The following CLMN variants were observed in gnomAD, a reference collection of about 807,000 sequenced individuals.
CLMN encodes the protein calmin.
In CLMN, 57 loss-of-function variants were observed where a neutral mutation model predicts 92.7. The observed-to-expected ratio is 0.61, with a 90% CI of 0.50 to 0.77. CLMN has a LOEUF of 0.77. Among genes scored for constraint, CLMN ranks in the 30% least tolerant of loss-of-function variants. The probability of loss-of-function intolerance (pLI) is 0.00; values close to 1 mark genes in which losing one functional copy is unlikely to be tolerated. For synonymous variants in CLMN, 466 were observed against 470.6 expected (o/e 0.99, Z 0.13); for missense variants, 1,158 against 1,237.5 (o/e 0.94, Z 0.96).
At chr14:95,255,604 G>A (rs1473659872) in intron 1 of CLMN, among the ~76,000 whole-genome samples, 1 of 152,164 alleles carries the variant, frequency 6.6e-6, no homozygotes, top group African/African-American at 2.4e-5. Context: ...TAGGGTACTT[G>A]TTCCAGCAGC....
intron 1 of CLMN, among the ~76,000 whole-genome samples, chr14:95,261,416 T>G (rs947287240): frequency 2.6e-5 from 4 of 152,230 alleles, no homozygotes; most frequent in African/African-American, 9.6e-5. Context: ...ATTCCCGGAT[T>G]CTGTCTTTGT....
At chr14:95,266,074 G>A (rs1419917891) in intron 1 of CLMN, among the ~76,000 whole-genome samples, 3 of 152,146 alleles carry the variant, frequency 2.0e-5, no homozygotes, top group South Asian at 2.1e-4. Flanking sequence ...CTTTGATTTG[G>A]GAATTTACAA....
intron 4 of CLMN, among the ~76,000 whole-genome samples, chr14:95,217,411 G>A (rs898265041): frequency 6.6e-6 from 1 of 152,138 alleles, no homozygotes; most frequent in Non-Finnish European, 1.5e-5. Flanking sequence ...AGAGTTCTGG[G>A]TTCCCAAGCT....
intron 1 of CLMN, among the ~76,000 whole-genome samples, chr14:95,268,341 T>C (rs1899559668): frequency 6.7e-6 from 1 of 149,040 alleles, no homozygotes. Flanking sequence ...GTATGTGCAA[T>C]ACCTTGGATG....
chr14:95,276,776 A>C (rs1331619852), intron 1 of CLMN, among the ~76,000 whole-genome samples: 2 of 152,194 alleles, frequency 1.3e-5, no homozygotes, highest in African/African-American at 4.8e-5. Context: ...GAGCCTTGCC[A>C]GGTGGATACT....
At chr14:95,213,722 C>G (rs904231920) in intron 5 of CLMN, among the ~76,000 whole-genome samples, 6 of 152,130 alleles carry the variant, frequency 3.9e-5, no homozygotes, top group African/African-American at 1.4e-4. Flanking sequence ...CGCCCCTTTC[C>G]TCTCACCGCC....
At chr14:95,275,068 A>ACAT (rs1349343049) in intron 1 of CLMN, among the ~76,000 whole-genome samples, 25 of 152,106 alleles carry the variant, frequency 1.6e-4, no homozygotes, top group Admixed American at 6.5e-5. Context: ...CCCTGGAGGT[A>ACAT]CATATACCCA....
intron 1 of CLMN, among the ~76,000 whole-genome samples, chr14:95,257,311 C>T (rs1249909116): frequency 6.6e-6 from 1 of 152,206 alleles, no homozygotes; most frequent in East Asian, 1.9e-4. Context: ...ATTCATTTCC[C>T]TCTTAATTAA....
Position 95,191,941 on chromosome 14 carries a change from C to T in CLMN, c.2841-209G>A. 3 of 473,942 alleles carry T rather than the reference C, an allele frequency of 6.3e-6. No individual in the cohort carries two copies. Among genetic ancestry groups the T allele is most frequent in the Non-Finnish European group, 1.1e-5 (3 of 267,178 alleles). The allele number at this position is 473,942 out of a possible 1,614,324, so 29.4% of individuals were successfully genotyped here. A position where few individuals can be genotyped will look rare whatever the true frequency, so the allele number is the denominator to read the frequency against. ...CCAGGCAGCCCCTCGAGCTTTTGCACGTACTCCGTTCATCTCCATAACATC... is the reference window on the plus strand; with the variant it reads ...CCAGGCAGCCCCTCGAGCTTTTGCATGTACTCCGTTCATCTCCATAACATC... On this transcript the variant is annotated intron_variant, in intron 12 of 12. Transcript: ENST00000298912. The surrounding 1 kb of genome is among the most constrained non-coding windows in gnomAD (Gnocchi z 5.3).
At chr14:95,195,589 AG>A (rs1276117741) in intron 10 of CLMN, among the ~76,000 whole-genome samples, 1 of 152,240 alleles carries the variant, frequency 6.6e-6, no homozygotes, top group Non-Finnish European at 1.5e-5. Context: ...ACAGGCAACA[AG>A]GGGGCACAAA....
At chr14:95,217,175 GATACACT>G (rs1897377320) in intron 4 of CLMN, among the ~76,000 whole-genome samples, 1 of 152,224 alleles carries the variant, frequency 6.6e-6, no homozygotes, top group Non-Finnish European at 1.5e-5. Flanking sequence ...AGAAAGTCAA[GATACACT>G]ATCAGGTCCA....
intron 1 of CLMN, among the ~76,000 whole-genome samples, chr14:95,254,290 A>G (rs1253167579): frequency 6.6e-6 from 1 of 152,220 alleles, no homozygotes; most frequent in Non-Finnish European, 1.5e-5. Context: ...CAGCGGGTGC[A>G]GCCAGTTCTG....
chr14:95,231,150 G>C (rs1031593402), intron 1 of CLMN, among the ~76,000 whole-genome samples: 1 of 151,806 alleles, frequency 6.6e-6, no homozygotes, highest in Non-Finnish European at 1.5e-5. Flanking sequence ...CACGGCCTGA[G>C]CTCCGCCTCC....
At chr14:95,311,744 C>A (rs1224019791) in intron 1 of CLMN, among the ~76,000 whole-genome samples, 1 of 152,088 alleles carries the variant, frequency 6.6e-6, no homozygotes, top group Non-Finnish European at 1.5e-5. Context: ...TCTCCCTGAC[C>A]CCATGGCCCC....
intron 1 of CLMN, among the ~76,000 whole-genome samples, chr14:95,297,251 C>T (rs1009552155): frequency 6.6e-6 from 1 of 152,176 alleles, no homozygotes; most frequent in African/African-American, 2.4e-5. Context: ...GGTCACAGAA[C>T]CAAAATGGCC....
intron 1 of CLMN, among the ~76,000 whole-genome samples, chr14:95,278,302 C>T (rs143000585): frequency 1.1e-3 from 169 of 152,294 alleles, no homozygotes; most frequent in African/African-American, 3.7e-3. Context: ...TAATTAAAAA[C>T]GGATATCCAA....
chr14:95,311,518 G>A (rs1363895550), intron 1 of CLMN, among the ~76,000 whole-genome samples: 5 of 152,072 alleles, frequency 3.3e-5, no homozygotes, highest in African/African-American at 1.2e-4. Context: ...AACAACCCCA[G>A]GGCCTTTGTA....
rs547958183 is a variant in CLMN, at chr14:95,191,692, G to A, written c.2881C>T (p.His961Tyr). 6.2e-7 allele frequency: 1 copy of A among 1,612,682 alleles called. No homozygotes were observed. The highest frequency in any genetic ancestry group is 2.2e-5 in the East Asian group (1 of 44,842). The part of the protein sequence containing the change: ...SSGEAMSLGS[H>Y]SPQSDSLTQL... ...GTCAGGGAGTCACTCTGCGGGCTGTGGCTCCCCAGTGACATGGCTTCTCCT... is the reference window on the plus strand; with the variant it reads ...GTCAGGGAGTCACTCTGCGGGCTGTAGCTCCCCAGTGACATGGCTTCTCCT... Residue 961 changes from histidine (H) to tyrosine (Y), a missense_variant, in exon 13 of 13, where the codon CAC becomes TAC. Physicochemically the swap from His to Tyr is moderately conservative, Grantham distance 83. Coordinates refer to ENST00000298912, the MANE Select transcript of CLMN (RefSeq NM_024734.4). This position sits in a 1 kb window ranked among gnomAD's most constrained non-coding sequence, Gnocchi z 5.3.
chr14:95,268,303 T>C (rs748776089), intron 1 of CLMN, among the ~76,000 whole-genome samples: 1 of 151,946 alleles, frequency 6.6e-6, no homozygotes, highest in Non-Finnish European at 1.5e-5. Flanking sequence ...TATGTAACAA[T>C]TTTGTAAAAA....
Sources: allele counts gnomAD v4.1 joint callset (sites outside exome capture counted in the v4.1 genomes callset), GRCh38; gene constraint gnomAD v4.1.1; non-coding constraint Gnocchi (gnomAD v3.1); transcripts MANE v1.5; gene names NCBI Gene and HGNC (gene_info 2026-07-23, HGNC 2026-07-21).